MAST2: variants seen among roughly 807,000 people sequenced by gnomAD.
The protein encoded by MAST2 is microtubule associated serine/threonine kinase 2.
In MAST2, 70 loss-of-function variants were observed where a neutral mutation model predicts 147.4. That is an observed-to-expected ratio of 0.47 (90% confidence interval 0.39 to 0.58). The LOEUF is 0.58. MAST2 is among the 20% of genes least tolerant of loss of function. The pLI is 0.00. For missense variants in MAST2, 2,080 were observed against 2,302.3 expected (o/e 0.90, Z 1.98); for synonymous variants, 869 against 896.8 (o/e 0.97, Z 0.55).
chr1:45,952,630 CT>C (rs1392551677), intron 4 of MAST2, among the ~76,000 whole-genome samples: 3 of 152,020 alleles, frequency 2.0e-5, no homozygotes, highest in African/African-American at 7.2e-5. Context: ...TAAGAGTAAG[CT>C]TTTCAACAGC....
chr1:45,915,922 A>G (rs1182117158), intron 4 of MAST2, among the ~76,000 whole-genome samples: 2 of 152,200 alleles, frequency 1.3e-5, no homozygotes, highest in African/African-American at 4.8e-5. Context: ...TAACTTTGAA[A>G]TAGTTCTTTG....
intron 5 of MAST2, among the ~76,000 whole-genome samples, chr1:45,994,840 ATT>A (rs771828003): frequency 1.1e-4 from 15 of 139,234 alleles, no homozygotes; most frequent in Non-Finnish European, 9.5e-5. Context: ...ATCTTCCATA[ATT>A]TTTTTTTTTT....
chr1:45,861,584 G>T (rs779421269), intron 3 of MAST2, among the ~76,000 whole-genome samples: 6 of 151,178 alleles, frequency 4.0e-5, no homozygotes, highest in Non-Finnish European at 7.4e-5. Flanking sequence ...CTGTTGTGGT[G>T]GAAGAAATAT....
At chr1:45,834,551 A>G (rs1645048425) in intron 3 of MAST2, among the ~76,000 whole-genome samples, 1 of 152,108 alleles carries the variant, frequency 6.6e-6, no homozygotes, top group African/African-American at 2.4e-5. Context: ...ATTATTTATT[A>G]TATGTTCTTA....
intron 3 of MAST2, among the ~76,000 whole-genome samples, chr1:45,872,762 T>C (rs1646449286): frequency 6.6e-6 from 1 of 152,196 alleles, no homozygotes; most frequent in African/African-American, 2.4e-5. Flanking sequence ...ATTACAGGCG[T>C]GAGCCACCAC....
chr1:46,010,839 T>C lies in MAST2; in HGVS notation c.1088T>C (p.Ile363Thr), dbSNP rs1645683990. The change falls in exon 10 of 29, where the codon ATT (isoleucine) becomes ACT (threonine). Residue 363 changes from isoleucine to threonine, a missense_variant. By Grantham distance (89) the Ile-to-Thr change is moderately conservative. Transcript: ENST00000361297. ...GALSFIHHQVIEMARDCLDKS... is the reference protein window; with the variant it reads ...GALSFIHHQVTEMARDCLDKS... ...CTGAGCTTTATTCATCATCAGGTGATTGAGATGGCCCGAGACTGCCTGGAT... is the reference window on the plus strand; with the variant it reads ...CTGAGCTTTATTCATCATCAGGTGACTGAGATGGCCCGAGACTGCCTGGAT... 1 of 1,614,218 alleles carries C rather than the reference T, an allele frequency of 6.2e-7. No individual in the cohort carries two copies.
At chr1:45,961,888 A>G (rs1028193915) in intron 5 of MAST2, among the ~76,000 whole-genome samples, 10 of 152,242 alleles carry the variant, frequency 6.6e-5, no homozygotes, top group African/African-American at 2.2e-4. Flanking sequence ...CGTCATTTAC[A>G]TTAGGTATAT....
chr1:45,914,892 A>T (rs995750323), intron 4 of MAST2, among the ~76,000 whole-genome samples: 1 of 152,210 alleles, frequency 6.6e-6, no homozygotes, highest in Admixed American at 6.5e-5. Flanking sequence ...AAAATTAAAA[A>T]TTTTTAAATG....
intron 11 of MAST2, 63 bp from the exon 12 acceptor site, chr1:46,021,887 C>T (rs1646198116): frequency 1.3e-6 from 2 of 1,573,426 alleles, no homozygotes; most frequent in East Asian, 4.5e-5. Flanking sequence ...GCTGTAAAAC[C>T]AAAGATGCCA....
intron 5 of MAST2, among the ~76,000 whole-genome samples, chr1:45,966,442 A>C (rs80004112): frequency 3.9e-5 from 6 of 151,910 alleles, no homozygotes; most frequent in South Asian, 2.1e-4. Context: ...AAAAAAAAAA[A>C]CTCTTCAAGC....
At chr1:45,847,171 C>T in intron 3 of MAST2, 1 of 521,698 alleles carries the variant, frequency 1.9e-6, no homozygotes, top group Non-Finnish European at 3.9e-6. Context: ...AAGTCCCATT[C>T]CCTAAATGTT....
intron 17 of MAST2, among the ~76,000 whole-genome samples, chr1:46,028,419 T>G (rs1409610629): frequency 6.6e-6 from 1 of 152,180 alleles, no homozygotes. Context: ...CATTTCAGGT[T>G]GTGACTGTTC....
intron 2 of MAST2, among the ~76,000 whole-genome samples, chr1:45,828,048 C>T (rs563351097): frequency 3.9e-5 from 6 of 151,922 alleles, no homozygotes; most frequent in Non-Finnish European, 7.4e-5. Context: ...GGAGGCTGGT[C>T]TTGAACTCCT....
intron 4 of MAST2, among the ~76,000 whole-genome samples, chr1:45,922,466 T>C (rs1424026730): frequency 6.6e-6 from 1 of 152,188 alleles, no homozygotes; most frequent in Non-Finnish European, 1.5e-5. Context: ...TGCTTGTCAG[T>C]GCCCAAAGCC....
chr1:45,918,561 C>T (rs1652931620), intron 4 of MAST2, among the ~76,000 whole-genome samples: 1 of 152,148 alleles, frequency 6.6e-6, no homozygotes, highest in Non-Finnish European at 1.5e-5. Context: ...CCTCAGCCTC[C>T]CGAGTAGCTG....
chr1:45,836,493 A>G (rs1557818742), intron 3 of MAST2, among the ~76,000 whole-genome samples: 2 of 152,158 alleles, frequency 1.3e-5, no homozygotes, highest in Non-Finnish European at 2.9e-5. Flanking sequence ...TAATCCCATC[A>G]TTCTTAATTT....
At chr1:45,826,982 A>C (rs2147787665) in intron 2 of MAST2, among the ~76,000 whole-genome samples, 1 of 152,030 alleles carries the variant, frequency 6.6e-6, no homozygotes, top group Non-Finnish European at 1.5e-5. Flanking sequence ...GTGCCATGCC[A>C]CCACACCCAG....
Position 46,030,180 on chromosome 1 carries a change from G to C in MAST2, c.2495G>C (p.Ser832Thr). ...HMDSEDEEEV[S>T]EDGCLEIRQF... ...GACTCGGAGGATGAGGAAGAAGTGA[G>C]TGAGGATGGCTGCCTTGAGATCCGC... The change falls in exon 21 of 29, where the codon AGT becomes ACT. Residue 832 changes from serine (S) to threonine (T), a missense_variant. Physicochemically the swap from Ser to Thr is moderately conservative, Grantham distance 58. Transcript: ENST00000361297. The C allele has an allele frequency of 6.2e-7, 1 of 1,614,244 alleles. No homozygotes were observed. The highest frequency in any genetic ancestry group is 8.5e-7 in the Non-Finnish European group (1 of 1,180,042).
chr1:45,971,520 A>C (rs72692632), intron 5 of MAST2, among the ~76,000 whole-genome samples: 29,355 of 152,164 alleles, frequency 0.19, 3,443 homozygotes, highest in Non-Finnish European at 0.26. Flanking sequence ...CCACGTTCCC[A>C]CACCACTGAC....
Sources: gnomAD v4.1 joint callset for allele counts (sites outside exome capture counted in the v4.1 genomes callset) on GRCh38, gnomAD v4.1.1 for gene constraint, MANE v1.5 for transcripts, NCBI Gene and HGNC (gene_info 2026-07-23, HGNC 2026-07-21) for gene names.